The following PRKG1 variants were observed in gnomAD, a reference collection of about 807,000 sequenced individuals.
PRKG1 encodes cGMP-dependent protein kinase 1.
Under a neutral mutation model 88.1 loss-of-function variants are expected in PRKG1, and 35 were observed. The ratio of observed to expected loss-of-function variants is 0.40; its 90% CI spans 0.30 to 0.53. The LOEUF (loss-of-function observed/expected upper bound fraction) is 0.53, where lower values mean the gene tolerates loss of function less well. Among genes scored for constraint, PRKG1 ranks in the 20% least tolerant of loss-of-function variants. The pLI is 0.59. For synonymous variants in PRKG1, 303 were observed against 292.5 expected (o/e 1.04, Z -0.37); for missense variants, 540 against 839.8 (o/e 0.64, Z 4.41).
chr10:51,140,669 G>A (rs952900024), intron 1 of PRKG1, among the ~76,000 whole-genome samples: 5 of 152,040 alleles, frequency 3.3e-5, no homozygotes, highest in African/African-American at 1.2e-4. Flanking sequence ...GTACTAGACT[G>A]TGTGGCCAAG....
At chr10:51,016,669 C>CTTTTTTTTTTTTTT (rs1323068893) in intron 1 of PRKG1, among the ~76,000 whole-genome samples, 10 of 22,768 alleles carry the variant, frequency 4.4e-4, no homozygotes, top group African/African-American at 6.2e-4. Context: ...TATTATTATC[C>CTTTTTTTTTTTTTT]TTTCTTTTTT....
chr10:51,991,480 A>G (rs1230040235), intron 5 of PRKG1, among the ~76,000 whole-genome samples: 2 of 152,134 alleles, frequency 1.3e-5, no homozygotes, highest in Non-Finnish European at 2.9e-5. Context: ...TGCTGCACAC[A>G]TTAACTCATC....
At chr10:52,192,645 T>C (rs1839395341) in intron 9 of PRKG1, among the ~76,000 whole-genome samples, 1 of 152,122 alleles carries the variant, frequency 6.6e-6, no homozygotes, top group Non-Finnish European at 1.5e-5. Context: ...AGAACTTTGC[T>C]TATGCAACTA....
At chr10:52,266,211 T>TTAC (rs1315186490) in intron 10 of PRKG1, among the ~76,000 whole-genome samples, 8 of 150,970 alleles carry the variant, frequency 5.3e-5, no homozygotes, top group Admixed American at 1.3e-4. Flanking sequence ...ATTATTATTA[T>TTAC]TGTAAACTTT....
chr10:51,087,103 A>G (rs1326204524), intron 1 of PRKG1, among the ~76,000 whole-genome samples: 3 of 152,206 alleles, frequency 2.0e-5, no homozygotes, highest in Non-Finnish European at 4.4e-5. Flanking sequence ...TTGTAGATCA[A>G]TCCATTGCTT....
chr10:51,746,685 C>T (rs113536489), intron 3 of PRKG1, among the ~76,000 whole-genome samples: 11 of 148,850 alleles, frequency 7.4e-5, no homozygotes, highest in Non-Finnish European at 8.9e-5. Context: ...ATGAGGTCAC[C>T]GCACTGTAGC....
intron 3 of PRKG1, among the ~76,000 whole-genome samples, chr10:51,621,609 T>C (rs549002751): frequency 6.6e-6 from 1 of 152,300 alleles, no homozygotes; most frequent in Admixed American, 6.5e-5. Flanking sequence ...GACCTCTCTT[T>C]TAGATGAGGA....
At chr10:52,091,169 G>T (rs914630747) in intron 7 of PRKG1, among the ~76,000 whole-genome samples, 1 of 152,116 alleles carries the variant, frequency 6.6e-6, no homozygotes. Flanking sequence ...AGGTCATTCC[G>T]GTTGTTGGCA....
At chr10:51,205,426 C>T (rs72793267) in intron 2 of PRKG1, among the ~76,000 whole-genome samples, 4,652 of 150,100 alleles carry the variant, frequency 0.031, 84 homozygotes, top group Non-Finnish European at 0.052. Flanking sequence ...TGTGACCCAC[C>T]GTGTCCACCT....
At chr10:51,059,261 T>C (rs1843668132) in intron 1 of PRKG1, among the ~76,000 whole-genome samples, 1 of 152,220 alleles carries the variant, frequency 6.6e-6, no homozygotes, top group Non-Finnish European at 1.5e-5. Context: ...CTATTTCTTT[T>C]TGTGGTACCA....
intron 2 of PRKG1, among the ~76,000 whole-genome samples, chr10:51,266,965 C>A (rs1444409825): frequency 6.6e-6 from 1 of 152,090 alleles, no homozygotes; most frequent in Admixed American, 6.6e-5. Context: ...TAAAACATTC[C>A]TTTCTTAGGA....
chr10:51,641,036 A>G (rs1839786002), intron 3 of PRKG1, among the ~76,000 whole-genome samples: 1 of 147,712 alleles, frequency 6.8e-6, no homozygotes, highest in Non-Finnish European at 1.5e-5. Context: ...AGGGATATAG[A>G]TAAAGAAACA....
chr10:51,102,678 AAC>A (rs770958874), intron 1 of PRKG1, among the ~76,000 whole-genome samples: 1 of 152,204 alleles, frequency 6.6e-6, no homozygotes, highest in Non-Finnish European at 1.5e-5. Context: ...TCCACAAGGA[AAC>A]ACACTAGGTA....
Position 51,559,801 on chromosome 10 carries a change from G to T in PRKG1, c.592+91965G>T, listed in dbSNP as rs79175711. 4.6e-3 allele frequency among the ~76,000 whole-genome samples: 702 copies of T among 152,076 alleles called. 7 individuals are homozygous for T. Among genetic ancestry groups the T allele is most frequent in the African/African-American group, 0.016 (661 of 41,510 alleles). ...ATTGTCTCAATAATTTGTATAGCCT[G>T]GGGAAGGACTATATATCTTAATCCA... is the stretch of plus-strand genomic sequence containing the variant. On this transcript the variant is annotated intron_variant, in intron 3 of 17. Transcript: ENST00000373980.
rs1316916623 is a variant in PRKG1 at position 51,253,364 on chromosome 10, A to G, written c.478+100034A>G. Reference sequence around the variant, plus strand: ...TAAACCTTCTGTGCTGATGAAGTTCAAATGTAGCTGTTTTATAAGGTTGAT... The same window carrying G: ...TAAACCTTCTGTGCTGATGAAGTTCGAATGTAGCTGTTTTATAAGGTTGAT... On this transcript the variant is annotated intron_variant, in intron 2 of 17. Coordinates refer to ENST00000373980, the MANE Select transcript of PRKG1 (RefSeq NM_006258.4). Among the ~76,000 whole-genome samples, 7 of 151,872 alleles carry G rather than the reference A, an allele frequency of 4.6e-5. No homozygotes were observed. In the East Asian group the frequency reaches 1.3e-3, roughly 29 times the overall value.
intron 8 of PRKG1, among the ~76,000 whole-genome samples, chr10:52,157,225 GTA>G (rs56686251): frequency 1.4e-5 from 2 of 141,820 alleles, no homozygotes; most frequent in Non-Finnish European, 1.5e-5. Context: ...TACACACCAA[GTA>G]TATATATATA....
intron 3 of PRKG1, among the ~76,000 whole-genome samples, chr10:51,769,604 T>C (rs1838251356): frequency 6.6e-6 from 1 of 152,178 alleles, no homozygotes; most frequent in Admixed American, 6.6e-5. Context: ...TTAAGCCTAT[T>C]TGGAAACAGA....
At chr10:51,500,432 A>T (rs1388567206) in intron 3 of PRKG1, among the ~76,000 whole-genome samples, 1 of 152,220 alleles carries the variant, frequency 6.6e-6, no homozygotes, top group African/African-American at 2.4e-5. Context: ...TCTGATTGAA[A>T]GTTAGTGTGC....
At chr10:51,953,219 C>T (rs567498341) in intron 5 of PRKG1, among the ~76,000 whole-genome samples, 9 of 152,082 alleles carry the variant, frequency 5.9e-5, no homozygotes, top group Non-Finnish European at 1.0e-4. Flanking sequence ...TTTAACAAGT[C>T]GTAGGAAATT....
Sources: gnomAD v4.1 joint callset for allele counts (sites outside exome capture counted in the v4.1 genomes callset) on GRCh38, gnomAD v4.1.1 for gene constraint, MANE v1.5 for transcripts, NCBI Gene and HGNC (gene_info 2026-07-23, HGNC 2026-07-21) for gene names.